LRRFIP1: variants seen among roughly 807,000 people sequenced by gnomAD.
The protein encoded by LRRFIP1 is LRR binding FLII interacting protein 1, also known as leucine-rich repeat flightless-interacting protein 1.
LRRFIP1 carries 62 observed loss-of-function variants against 104.4 expected under a neutral mutation model. The ratio of observed to expected loss-of-function variants is 0.59; its 90% CI spans 0.48 to 0.73. LRRFIP1 has a LOEUF of 0.73. Among genes scored for constraint, LRRFIP1 ranks in the 30% least tolerant of loss-of-function variants. LRRFIP1 has a pLI of 0.00. For missense variants in LRRFIP1, 796 were observed against 824.5 expected (o/e 0.97, Z 0.42); for synonymous variants, 300 against 299.0 (o/e 1.00, Z -0.03).
At chr2:237,669,210 T>G (rs1014269249) in intron 1 of LRRFIP1, among the ~76,000 whole-genome samples, 4 of 152,232 alleles carry the variant, frequency 2.6e-5, no homozygotes, top group Non-Finnish European at 5.9e-5. Context: ...CTTCAAATTA[T>G]TTCCTTAAAT....
intron 1 of LRRFIP1, among the ~76,000 whole-genome samples, chr2:237,632,433 C>A (rs544648494): frequency 6.6e-6 from 1 of 152,244 alleles, no homozygotes; most frequent in Non-Finnish European, 1.5e-5. Flanking sequence ...TGGCCTGCCC[C>A]CCTCATGCCC....
intron 19 of LRRFIP1, chr2:237,762,590 A>T (rs2059991303): frequency 6.3e-7 from 1 of 1,578,300 alleles, no homozygotes; most frequent in Admixed American, 1.8e-5. Context: ...CAATTTTCTC[A>T]ATGGTCTTTT....
chr2:237,765,996 G>A (rs960605013), intron 19 of LRRFIP1: 1 of 867,724 alleles, frequency 1.2e-6, no homozygotes, highest in Non-Finnish European at 1.4e-6. Flanking sequence ...AGTAATATCT[G>A]CTTGGGGGTT....
chr2:237,666,573 T>C (rs2089286039), intron 1 of LRRFIP1, among the ~76,000 whole-genome samples: 1 of 92,176 alleles, frequency 1.1e-5, no homozygotes. Flanking sequence ...GTGTGGGGAT[T>C]TTCATCTCTT....
intron 2 of LRRFIP1, among the ~76,000 whole-genome samples, chr2:237,710,072 G>C (rs1401842254): frequency 6.6e-6 from 1 of 151,644 alleles, no homozygotes; most frequent in African/African-American, 2.4e-5. Context: ...AGACTGGTCT[G>C]AAACTCCTGA....
chr2:237,720,847 T>C, intron 6 of LRRFIP1, 25 bp downstream of exon 6: 1 of 1,610,162 alleles, frequency 6.2e-7, no homozygotes, highest in Non-Finnish European at 8.5e-7. Flanking sequence ...TGATGGAGTT[T>C]GCATGGCACA....
chr2:237,631,254 G>A (rs1480515194), intron 1 of LRRFIP1, among the ~76,000 whole-genome samples: 1 of 152,202 alleles, frequency 6.6e-6, no homozygotes, highest in Non-Finnish European at 1.5e-5. Context: ...TGAGTCACCT[G>A]GCAGGGACGT....
intron 21 of LRRFIP1, 56 bp from the exon 22 acceptor site, chr2:237,772,810 T>C (rs148076615): frequency 2.5e-6 from 3 of 1,180,172 alleles, no homozygotes; most frequent in Non-Finnish European, 3.8e-6. Flanking sequence ...AACTATTGTT[T>C]TAATATTTGA....
At chr2:237,751,153 A>C (rs2058578132) in intron 13 of LRRFIP1, 47 bp from the exon 14 acceptor site, 1 of 1,311,286 alleles carries the variant, frequency 7.6e-7, no homozygotes, top group Non-Finnish European at 1.1e-6. Flanking sequence ...TTAGGGAATC[A>C]CCTGTTTTCC....
At chr2:237,714,232 TC>T (rs1467733379) in intron 2 of LRRFIP1, 26 bp from the exon 3 acceptor site, 2 of 1,551,202 alleles carry the variant, frequency 1.3e-6, no homozygotes, top group Admixed American at 1.8e-5. Context: ...ATTTTACATT[TC>T]TTTTTTCTTC....
Position 237,707,212 on chromosome 2 carries a change from C to A in LRRFIP1, c.97-1332C>A, listed in dbSNP as rs372750957. Among the ~76,000 whole-genome samples the A allele has an allele frequency of 3.3e-5, 5 of 151,540 alleles. No homozygotes were observed. The Admixed American group carries it at 3.3e-4, about 10-fold the overall frequency. ...GTAAGTCTAGGATGGGAGAGAGGGA[C>A]GTCCCTGTCAGGACCACCCCCATGC... On this transcript the variant is annotated intron_variant, in intron 1 of 23. Transcript: ENST00000308482.
chr2:237,677,779 C>A (rs2091337095), intron 1 of LRRFIP1, among the ~76,000 whole-genome samples: 1 of 152,162 alleles, frequency 6.6e-6, no homozygotes. Flanking sequence ...GCCACCCTCC[C>A]AGCCACATCG....
chr2:237,688,462 T>C (rs1442695101), intron 1 of LRRFIP1, among the ~76,000 whole-genome samples: 2 of 146,780 alleles, frequency 1.4e-5, no homozygotes, highest in Non-Finnish European at 3.0e-5. Context: ...TTTTCTTTTT[T>C]TTTTTTTTTT....
intron 5 of LRRFIP1, among the ~76,000 whole-genome samples, chr2:237,720,516 C>T (rs1443046063): frequency 1.3e-5 from 2 of 152,194 alleles, no homozygotes; most frequent in Non-Finnish European, 2.9e-5. Context: ...TCCCAAAATG[C>T]TGGGATTACA....
At chr2:237,642,945 C>T (rs1395502964) in intron 1 of LRRFIP1, among the ~76,000 whole-genome samples, 2 of 152,220 alleles carry the variant, frequency 1.3e-5, no homozygotes, top group Admixed American at 1.3e-4. Flanking sequence ...GCCAAGTCCG[C>T]CCCCGTTTTA....
intron 1 of LRRFIP1, among the ~76,000 whole-genome samples, chr2:237,680,217 C>G (rs1190524048): frequency 6.6e-6 from 1 of 152,144 alleles, no homozygotes; most frequent in Non-Finnish European, 1.5e-5. Context: ...GCTGGCCAGG[C>G]ACAGTGGCTC....
rs117235627 is a variant in LRRFIP1 at position 237,680,959 on chromosome 2, T to C, written c.97-27585T>C. 3.4e-3 allele frequency among the ~76,000 whole-genome samples: 514 copies of C among 152,002 alleles called. 9 individuals are homozygous for C. In the East Asian group the frequency reaches 0.047, roughly 14 times the overall value. ...TCACGCCACTGCACTCCAGGCTGGGTAGCACAGTGAGACCCTGTGTCAAAA... is the reference window on the plus strand; with the variant it reads ...TCACGCCACTGCACTCCAGGCTGGGCAGCACAGTGAGACCCTGTGTCAAAA... On this transcript the variant is annotated intron_variant, in intron 1 of 23. Transcript: ENST00000308482.
chr2:237,715,186 G>A (rs897076604), intron 3 of LRRFIP1, among the ~76,000 whole-genome samples: 3 of 152,174 alleles, frequency 2.0e-5, no homozygotes, highest in African/African-American at 7.2e-5. Context: ...CTTCCCTGCT[G>A]GAGCCCTGCA....
chr2:237,693,705 T>C (rs1370167141), intron 1 of LRRFIP1, among the ~76,000 whole-genome samples: 1 of 152,064 alleles, frequency 6.6e-6, no homozygotes, highest in African/African-American at 2.4e-5. Context: ...TGGGACACCA[T>C]AGATGGCAGG....
Sources: gnomAD v4.1 joint callset for allele counts (sites outside exome capture counted in the v4.1 genomes callset) on GRCh38, gnomAD v4.1.1 for gene constraint, MANE v1.5 for transcripts, NCBI Gene and HGNC (gene_info 2026-07-23, HGNC 2026-07-21) for gene names.